NRG1: variants seen among roughly 807,000 people sequenced by gnomAD.
NRG1 encodes the protein neuregulin 1, also known as pro-neuregulin-1, membrane-bound isoform.
NRG1 carries 18 observed loss-of-function variants against 63.8 expected under a neutral mutation model. The ratio of observed to expected loss-of-function variants is 0.28; its 90% confidence interval spans 0.19 to 0.42. NRG1 has a LOEUF of 0.42. Among genes scored for constraint, NRG1 ranks in the 10% least tolerant of loss-of-function variants. NRG1 has a pLI of 1.00. For missense variants in NRG1, 762 were observed against 814.7 expected (o/e 0.94, Z 0.79); for synonymous variants, 302 against 301.3 (o/e 1.00, Z -0.02).
intron 1 of NRG1, among the ~76,000 whole-genome samples, chr8:32,532,438 TG>T (rs1039710646): frequency 3.3e-5 from 5 of 152,106 alleles, no homozygotes; most frequent in Non-Finnish European, 5.9e-5. Flanking sequence ...TGACACTTAA[TG>T]AGAACAAAAC....
At chr8:32,363,719 A>AT (rs915976548) in intron 1 of NRG1, among the ~76,000 whole-genome samples, 26 of 151,706 alleles carry the variant, frequency 1.7e-4, no homozygotes, top group East Asian at 1.9e-4. Flanking sequence ...GTTTTTTTTA[A>AT]TTTTTTTTAC....
At chr8:32,347,317 C>T (rs535000332) in intron 1 of NRG1, among the ~76,000 whole-genome samples, 2 of 152,312 alleles carry the variant, frequency 1.3e-5, no homozygotes, top group East Asian at 1.9e-4. Context: ...TCTTCTCCTT[C>T]CCAGCATCTG....
At chr8:31,880,976 A>G (rs532132048) in intron 1 of NRG1, among the ~76,000 whole-genome samples, 2 of 152,222 alleles carry the variant, frequency 1.3e-5, no homozygotes, top group South Asian at 4.1e-4. Flanking sequence ...AGTTGATAGA[A>G]GGGATAGAGT....
At chr8:32,042,751 C>A (rs974711836) in intron 1 of NRG1, among the ~76,000 whole-genome samples, 3 of 149,162 alleles carry the variant, frequency 2.0e-5, no homozygotes, top group Non-Finnish European at 4.4e-5. Context: ...CACAATAACT[C>A]AATTAAAAAA....
chr8:31,707,160 T>C (rs1255662511), intron 1 of NRG1, among the ~76,000 whole-genome samples: 3 of 152,134 alleles, frequency 2.0e-5, no homozygotes, highest in Non-Finnish European at 4.4e-5. Flanking sequence ...TTTGTACTTT[T>C]GTATTATCTT....
At chr8:31,704,597 C>T (rs1429421024) in intron 1 of NRG1, among the ~76,000 whole-genome samples, 1 of 152,054 alleles carries the variant, frequency 6.6e-6, no homozygotes, top group East Asian at 1.9e-4. Flanking sequence ...CTTTGGGAGG[C>T]TGAGGCAGGC....
chr8:32,123,905 G>A (rs1833784375), intron 1 of NRG1, among the ~76,000 whole-genome samples: 1 of 151,686 alleles, frequency 6.6e-6, no homozygotes, highest in Admixed American at 6.6e-5. Flanking sequence ...AACTCAAGGG[G>A]GAAGTTTGAC....
chr8:32,508,111 C>A (rs1828748576), intron 1 of NRG1, among the ~76,000 whole-genome samples: 1 of 152,212 alleles, frequency 6.6e-6, no homozygotes, highest in African/African-American at 2.4e-5. Flanking sequence ...CAACCATTAA[C>A]AAAGAATGGT....
At chr8:32,445,371 A>G (rs1401517774) in intron 1 of NRG1, among the ~76,000 whole-genome samples, 1 of 152,074 alleles carries the variant, frequency 6.6e-6, no homozygotes, top group Non-Finnish European at 1.5e-5. Context: ...GGATATGGAG[A>G]GCTGACTGTA....
At chr8:32,242,867 T>G (rs1848246787) in intron 1 of NRG1, among the ~76,000 whole-genome samples, 1 of 152,184 alleles carries the variant, frequency 6.6e-6, no homozygotes, top group Admixed American at 6.5e-5. Flanking sequence ...TTATCCAGTG[T>G]ATTGGTTTGC....
intron 1 of NRG1, among the ~76,000 whole-genome samples, chr8:32,358,268 T>C (rs1806720743): frequency 6.6e-6 from 1 of 151,902 alleles, no homozygotes; most frequent in African/African-American, 2.4e-5. Flanking sequence ...TGCTGACTTC[T>C]TTTACGTGGG....
intron 1 of NRG1, among the ~76,000 whole-genome samples, chr8:31,805,581 C>A (rs931623914): frequency 6.6e-6 from 1 of 152,022 alleles, no homozygotes; most frequent in African/African-American, 2.4e-5. Flanking sequence ...GTAATCCCAG[C>A]ACTTTGGGAG....
chr8:31,748,304 C>T (rs1364666043), intron 1 of NRG1, among the ~76,000 whole-genome samples: 4 of 151,938 alleles, frequency 2.6e-5, no homozygotes, highest in Non-Finnish European at 4.4e-5. Context: ...GCCATTAACT[C>T]ATTGAGTCCT....
At chr8:32,160,857 T>C (rs2131911694) in intron 1 of NRG1, among the ~76,000 whole-genome samples, 1 of 152,284 alleles carries the variant, frequency 6.6e-6, no homozygotes, top group South Asian at 2.1e-4. Context: ...TGAATCCTTA[T>C]TTTTCCTCTG....
intron 5 of NRG1, among the ~76,000 whole-genome samples, chr8:32,720,314 G>A (rs1490138527): frequency 6.6e-6 from 1 of 152,086 alleles, no homozygotes; most frequent in Non-Finnish European, 1.5e-5. Context: ...AATGATCCTG[G>A]TAGAAAATGC....
At chr8:32,244,496 A>T (rs1220972011) in intron 1 of NRG1, among the ~76,000 whole-genome samples, 1 of 152,164 alleles carries the variant, frequency 6.6e-6, no homozygotes, top group African/African-American at 2.4e-5. Context: ...TTTTATCCAA[A>T]CTATTGCAGT....
intron 1 of NRG1, among the ~76,000 whole-genome samples, chr8:32,248,706 T>C (rs931489539): frequency 1.3e-5 from 2 of 152,058 alleles, no homozygotes; most frequent in African/African-American, 4.8e-5. Context: ...CAAATTTTTA[T>C]TTTCTATTGT....
chr8:31,728,689 A>G (rs144747564), intron 1 of NRG1, among the ~76,000 whole-genome samples: 123 of 152,338 alleles, frequency 8.1e-4, no homozygotes, highest in Middle Eastern at 6.8e-3. Context: ...GCCTTATAAA[A>G]TTACAAACTA....
intron 1 of NRG1, among the ~76,000 whole-genome samples, chr8:32,123,621 C>T (rs893711180): frequency 2.0e-5 from 3 of 148,240 alleles, no homozygotes; most frequent in Non-Finnish European, 3.0e-5. Context: ...TAAAAATATT[C>T]ATTGTGCATT....
Sources: allele counts gnomAD v4.1 joint callset (sites outside exome capture counted in the v4.1 genomes callset), GRCh38; gene constraint gnomAD v4.1.1; transcripts MANE v1.5; gene names NCBI Gene and HGNC (gene_info 2026-07-23, HGNC 2026-07-21).